The following PXDNL variants were observed in gnomAD, a reference collection of about 807,000 sequenced individuals.
PXDNL encodes peroxidasin like, also known as probable oxidoreductase PXDNL.
A neutral mutation model predicts 150.8 loss-of-function variants in PXDNL; 145 were observed. The ratio of observed to expected loss-of-function variants is 0.96; its 90% confidence interval spans 0.84 to 1.10. The LOEUF (loss-of-function observed/expected upper bound fraction) is 1.10. Among genes scored for constraint, PXDNL ranks in the 50% least tolerant of loss-of-function variants. The probability of loss-of-function intolerance (pLI) is 0.00; values close to 1 mark genes in which losing one functional copy is unlikely to be tolerated. For missense variants in PXDNL, 2,087 were observed against 1,873.9 expected, an observed-to-expected ratio of 1.11 and a Z score of -2.10; for synonymous variants, 757 against 725.7, an observed-to-expected ratio of 1.04 and a Z score of -0.69.
intron 1 of PXDNL, among the ~76,000 whole-genome samples, chr8:51,689,289 G>C (rs1232525816): frequency 6.6e-6 from 1 of 151,212 alleles, no homozygotes; most frequent in African/African-American, 2.4e-5. Context: ...TCTGCACTCA[G>C]CTCCAACTTA....
intron 12 of PXDNL, 26 bp downstream of exon 12, chr8:51,446,978 T>C (rs1809690600): frequency 6.2e-7 from 1 of 1,611,838 alleles, no homozygotes; most frequent in Non-Finnish European, 8.5e-7. Context: ...CTTCAGAATG[T>C]GAATATGAAT....
chr8:51,798,147 C>T (rs1032216416), intron 1 of PXDNL, among the ~76,000 whole-genome samples: 69 of 152,204 alleles, frequency 4.5e-4, no homozygotes, highest in African/African-American at 1.6e-3. Flanking sequence ...AAACTGGACT[C>T]ATTATACAAA....
chr8:51,669,742 C>T (rs1408928075), intron 1 of PXDNL, among the ~76,000 whole-genome samples: 1 of 152,170 alleles, frequency 6.6e-6, no homozygotes, highest in African/African-American at 2.4e-5. Context: ...TTTAGCTGAG[C>T]TTCCCTGACC....
At chr8:51,802,557 C>T (rs946378722) in intron 1 of PXDNL, among the ~76,000 whole-genome samples, 3 of 151,994 alleles carry the variant, frequency 2.0e-5, no homozygotes, top group Non-Finnish European at 2.9e-5. Context: ...CCAGTGTGGC[C>T]CAGGAATGCC....
chr8:51,709,754 A>G (rs1816456997), intron 1 of PXDNL, among the ~76,000 whole-genome samples: 1 of 152,258 alleles, frequency 6.6e-6, no homozygotes, highest in South Asian at 2.1e-4. Context: ...GTACTTAACT[A>G]CATATGTATA....
At chr8:51,718,799 T>A (rs944359179) in intron 1 of PXDNL, among the ~76,000 whole-genome samples, 1 of 152,202 alleles carries the variant, frequency 6.6e-6, no homozygotes, top group African/African-American at 2.4e-5. Context: ...GGTACACTCA[T>A]GCTGATCATC....
chr8:51,673,018 C>G (rs75488701), intron 1 of PXDNL, among the ~76,000 whole-genome samples: 1 of 151,558 alleles, frequency 6.6e-6, no homozygotes, highest in Non-Finnish European at 1.5e-5. Context: ...AGAGGAGAAA[C>G]GATTGAAAAA....
intron 3 of PXDNL, among the ~76,000 whole-genome samples, chr8:51,569,572 T>C (rs913901764): frequency 1.3e-5 from 2 of 151,992 alleles, no homozygotes; most frequent in Non-Finnish European, 2.9e-5. Flanking sequence ...CAAAAAGGAT[T>C]AGGAATTTCT....
At chr8:51,676,103 T>A (rs1815616225) in intron 1 of PXDNL, among the ~76,000 whole-genome samples, 1 of 152,178 alleles carries the variant, frequency 6.6e-6, no homozygotes, top group African/African-American at 2.4e-5. Context: ...AGATGGTAAG[T>A]CCTCAGTAAA....
chr8:51,500,716 A>G (rs1811160494), intron 4 of PXDNL, among the ~76,000 whole-genome samples: 2 of 152,246 alleles, frequency 1.3e-5, no homozygotes, highest in South Asian at 4.1e-4. Context: ...ACAAACTTTC[A>G]CACCAAATTG....
intron 1 of PXDNL, among the ~76,000 whole-genome samples, chr8:51,729,439 C>G (rs193087074): frequency 7.2e-4 from 109 of 152,100 alleles, no homozygotes; most frequent in African/African-American, 2.2e-3. Flanking sequence ...CAAATTAAAA[C>G]AATGAGATAC....
At chr8:51,536,186 G>T (rs570903242) in intron 4 of PXDNL, among the ~76,000 whole-genome samples, 1 of 152,324 alleles carries the variant, frequency 6.6e-6, no homozygotes, top group African/African-American at 2.4e-5. Context: ...GGGATAAAAC[G>T]AGGAGGCTAG....
intron 1 of PXDNL, among the ~76,000 whole-genome samples, chr8:51,776,677 T>A (rs2037357361): frequency 6.6e-6 from 1 of 152,112 alleles, no homozygotes; most frequent in Admixed American, 6.5e-5. Context: ...TTGTATTTTT[T>A]AGCAAGAATT....
intron 4 of PXDNL, among the ~76,000 whole-genome samples, chr8:51,549,911 T>C (rs575385439): frequency 6.6e-6 from 1 of 152,068 alleles, no homozygotes; most frequent in South Asian, 2.1e-4. Flanking sequence ...TTTGAAAAGA[T>C]AAACAAAATC....
At chr8:51,507,477 C>T (rs933058077) in intron 4 of PXDNL, among the ~76,000 whole-genome samples, 21 of 152,326 alleles carry the variant, frequency 1.4e-4, no homozygotes, top group African/African-American at 5.1e-4. Flanking sequence ...TGGGCAGGAA[C>T]TGAATCACAC....
At chr8:51,510,988 T>A (rs1014022132) in intron 4 of PXDNL, among the ~76,000 whole-genome samples, 4 of 152,174 alleles carry the variant, frequency 2.6e-5, no homozygotes, top group African/African-American at 9.7e-5. Flanking sequence ...AAGGGATGTG[T>A]TAGCTATGAG....
At chr8:51,688,468 G>A (rs1815920820) in intron 1 of PXDNL, among the ~76,000 whole-genome samples, 1 of 152,158 alleles carries the variant, frequency 6.6e-6, no homozygotes, top group South Asian at 2.1e-4. Flanking sequence ...AATTTATGGA[G>A]GCAGGTCTGG....
intron 17 of PXDNL, among the ~76,000 whole-genome samples, chr8:51,394,319 A>G (rs1321005555): frequency 6.6e-6 from 1 of 152,236 alleles, no homozygotes; most frequent in African/African-American, 2.4e-5. Flanking sequence ...GAGTAAAGCT[A>G]TCCCATCCAT....
intron 1 of PXDNL, among the ~76,000 whole-genome samples, chr8:51,782,395 T>A (rs2037423823): frequency 1.3e-5 from 2 of 152,158 alleles, no homozygotes; most frequent in South Asian, 4.1e-4. Flanking sequence ...TCCTTAAATA[T>A]CAGGATAAAT....
Sources: allele counts gnomAD v4.1 joint callset (sites outside exome capture counted in the v4.1 genomes callset), GRCh38; gene constraint gnomAD v4.1.1; transcripts MANE v1.5; gene names NCBI Gene and HGNC (gene_info 2026-07-23, HGNC 2026-07-21).